The following CCDC3 variants were observed in gnomAD, a reference collection of about 807,000 sequenced individuals.
CCDC3 encodes the protein coiled-coil domain containing 3, also known as coiled-coil domain-containing protein 3.
In CCDC3, 24 loss-of-function variants were observed where a neutral mutation model predicts 21.4. The observed-to-expected ratio is 1.12, with a 90% CI of 0.81 to 1.58. The LOEUF (loss-of-function observed/expected upper bound fraction) is 1.58. Among genes scored for constraint, CCDC3 ranks in the 40% most tolerant of loss-of-function variants. The pLI is 0.00. For synonymous variants in CCDC3, 186 were observed against 166.0 expected (o/e 1.12, Z -0.93); for missense variants, 425 against 360.9 (o/e 1.18, Z -1.44).
chr10:13,078,990 C>A lies in CCDC3; in HGVS notation c.-502-4890G>T, dbSNP rs1226168581. Among the ~76,000 whole-genome samples the A allele has an allele frequency of 2.0e-5, 3 of 152,144 alleles. No homozygotes were observed. The East Asian group carries it at 5.8e-4, about 29-fold the overall frequency. On this transcript the variant is annotated intron_variant, in intron 3 of 6. Coordinates refer to the CCDC3 transcript ENST00000378839. The stretch of plus-strand genomic sequence containing the variant: ...CTAATCTGCACATTGTGCACATGTA[C>A]CCTAGAACTTAAAATATAATAATAA...
intron 2 of CCDC3, among the ~76,000 whole-genome samples, chr10:12,994,045 T>C (rs958577183): frequency 7.2e-5 from 11 of 152,188 alleles, no homozygotes; most frequent in African/African-American, 2.7e-4. Flanking sequence ...GTGCCCTTCA[T>C]ATCTACAGTC....
chr10:13,035,917 G>A lies in CCDC3; in HGVS notation c.-2+13757C>T, dbSNP rs568965888. ...TCCCAGCACTTTGGAAGGCCAAGGC[G>A]GATGGATCATGAGGTCAGGAGATCA... On this transcript the variant is annotated intron_variant, in intron 5 of 6. Coordinates refer to the CCDC3 transcript ENST00000378839. Among the ~76,000 whole-genome samples, 13 of 152,230 alleles carry A rather than the reference G, an allele frequency of 8.5e-5. No individual in the cohort carries two copies. In the East Asian group the frequency reaches 1.4e-3, roughly 16 times the overall value.
At chr10:13,086,549 C>T (rs930505645) in intron 3 of CCDC3, among the ~76,000 whole-genome samples, 4 of 152,102 alleles carry the variant, frequency 2.6e-5, no homozygotes, top group Non-Finnish European at 2.9e-5. Flanking sequence ...CTCCGCCTCC[C>T]GGTTCTCCTG....
Position 13,063,662 on chromosome 10 carries a change from C to T in CCDC3, c.-270+10206G>A, listed in dbSNP as rs150958208. On this transcript the variant is annotated intron_variant, in intron 4 of 6. Coordinates refer to the CCDC3 transcript ENST00000378839. ...TCGCCTAGCGCCAGAGTCTGTTCCA[C>T]CAGATGTACCACCTCTCTACAAACT... Among the ~76,000 whole-genome samples, 336 of 152,300 alleles carry T rather than the reference C, an allele frequency of 2.2e-3. 7 individuals are homozygous for T. In the East Asian group the frequency reaches 0.055, roughly 25 times the overall value.
At chr10:13,026,583 C>A (rs937984139) in intron 5 of CCDC3, among the ~76,000 whole-genome samples, 20 of 152,102 alleles carry the variant, frequency 1.3e-4, no homozygotes, top group Non-Finnish European at 5.9e-5. Flanking sequence ...ATCTTTTTCA[C>A]ATAGCAATAG....
intron 2 of CCDC3, among the ~76,000 whole-genome samples, chr10:12,911,908 T>C (rs1037730959): frequency 6.6e-6 from 1 of 152,220 alleles, no homozygotes; most frequent in Non-Finnish European, 1.5e-5. Context: ...GATCATGCAG[T>C]ACTGGTGCCT....
intron 4 of CCDC3, chr10:13,058,477 G>A (rs1836711824): frequency 2.7e-6 from 2 of 753,296 alleles, no homozygotes; most frequent in African/African-American, 3.4e-5. Flanking sequence ...CCTCAATATG[G>A]CCTAAGCAAT....
rs561837288 is a variant in CCDC3, at chr10:12,906,356, C to T, written c.550-7677G>A. ...GGGAACGCTCATGCCCAGGCTGTGG[C>T]GGGAGGGGAGGCAAATGAAGAGGAA... On this transcript the variant is annotated intron_variant, in intron 2 of 2. Coordinates refer to ENST00000378825, the MANE Select transcript of CCDC3 (RefSeq NM_031455.4). Among the ~76,000 whole-genome samples, 17 of 152,220 alleles carry T rather than the reference C, an allele frequency of 1.1e-4. No homozygotes were observed. In the East Asian group the frequency reaches 1.4e-3, roughly 12 times the overall value.
At chr10:12,985,168 G>C (rs1000504704) in intron 2 of CCDC3, among the ~76,000 whole-genome samples, 1 of 152,134 alleles carries the variant, frequency 6.6e-6, no homozygotes, top group Non-Finnish European at 1.5e-5. Context: ...GGGTGAGTTT[G>C]TGGCATATAA....
Position 13,082,298 on chromosome 10 carries a change from G to A in CCDC3, c.-502-8198C>T, listed in dbSNP as rs552475610. On this transcript the variant is annotated intron_variant, in intron 3 of 6. Transcript: ENST00000378839. ...TGGGTCACATGTCCACTGGACAGGC[G>A]GCCCTTCCCTGTTTGACAGCCAAGG... is the stretch of plus-strand genomic sequence containing the variant. Among the ~76,000 whole-genome samples the A allele has an allele frequency of 1.3e-4, 20 of 152,316 alleles. No individual in the cohort carries two copies. The South Asian group carries it at 1.4e-3, about 11-fold the overall frequency.
At chr10:13,090,856 C>T (rs1247873339) in intron 3 of CCDC3, among the ~76,000 whole-genome samples, 2 of 152,218 alleles carry the variant, frequency 1.3e-5, no homozygotes, top group Non-Finnish European at 2.9e-5. Context: ...GACAGGCTGT[C>T]TGGAAGCTGA....
rs189941022 is a variant in CCDC3 at position 12,954,933 on chromosome 10, A to G, written c.549+43405T>C. ...TAGTTGTGAAACCCATAGGACTGCC[A>G]TAATAGCCTTGCAAATACCCATCAC... On this transcript the variant is annotated intron_variant, in intron 2 of 2. Coordinates refer to ENST00000378825, the MANE Select transcript of CCDC3 (RefSeq NM_031455.4). Among the ~76,000 whole-genome samples the G allele has an allele frequency of 3.7e-3, 563 of 152,334 alleles. 4 individuals are homozygous for G. Among genetic ancestry groups the G allele is most frequent in the African/African-American group, 0.013 (539 of 41,578 alleles).
At chr10:12,918,888 C>G (rs1353160344) in intron 2 of CCDC3, among the ~76,000 whole-genome samples, 1 of 152,056 alleles carries the variant, frequency 6.6e-6, no homozygotes, top group Non-Finnish European at 1.5e-5. Context: ...CCCATCTCTA[C>G]TAAAAAAATA....
At chr10:13,072,389 A>C (rs1836894645) in intron 4 of CCDC3, among the ~76,000 whole-genome samples, 1 of 152,148 alleles carries the variant, frequency 6.6e-6, no homozygotes, top group Admixed American at 6.5e-5. Flanking sequence ...CGTTGGATGT[A>C]CTTCTTTAGA....
In CCDC3 at chr10:12,897,731, G is replaced by A. The variant is rs1432911770; in HGVS notation, c.*685C>T. On this transcript the variant is annotated 3_prime_UTR_variant, in exon 3 of 3. Transcript: ENST00000378825. ...CCCCCTGTGTTAACGCGACCCATAG[G>A]TATCATCTTCAACTCTTTGTAGCTG... 6.6e-6 allele frequency: 1 copy of A among 152,192 alleles called. No individual in the cohort carries two copies. Among genetic ancestry groups the A allele is most frequent in the Non-Finnish European group, 1.5e-5 (1 of 68,038 alleles). The allele number at this position is 152,192 out of a possible 1,614,324, so 9.4% of individuals were successfully genotyped here.
intron 4 of CCDC3, among the ~76,000 whole-genome samples, chr10:13,061,289 G>A (rs1226073825): frequency 6.6e-6 from 1 of 152,136 alleles, no homozygotes; most frequent in Non-Finnish European, 1.5e-5. Context: ...ACTGCAGTGG[G>A]CTTCCGGTGA....
chr10:13,084,093 G>C (rs1441465320), intron 3 of CCDC3, among the ~76,000 whole-genome samples: 2 of 152,090 alleles, frequency 1.3e-5, no homozygotes, highest in Non-Finnish European at 2.9e-5. Flanking sequence ...ATCGATTCTT[G>C]CAAGATATAG....
intron 4 of CCDC3, among the ~76,000 whole-genome samples, chr10:13,070,527 T>C (rs1836869692): frequency 6.6e-6 from 1 of 152,158 alleles, no homozygotes; most frequent in Non-Finnish European, 1.5e-5. Context: ...ACAGTCCCCA[T>C]ACAGGGTTCC....
At chr10:13,008,201 A>G (rs1003486677) in intron 5 of CCDC3, among the ~76,000 whole-genome samples, 1 of 152,176 alleles carries the variant, frequency 6.6e-6, no homozygotes, top group Non-Finnish European at 1.5e-5. Context: ...GCAGCCCAAC[A>G]TGGGTTTCAG....
Sources: gnomAD v4.1 joint callset for allele counts (sites outside exome capture counted in the v4.1 genomes callset) on GRCh38, gnomAD v4.1.1 for gene constraint, MANE v1.5 for transcripts, NCBI Gene and HGNC (gene_info 2026-07-23, HGNC 2026-07-21) for gene names.